The following DMXL2 variants were observed in gnomAD, a reference collection of about 807,000 sequenced individuals.
The protein encoded by DMXL2 is Dmx like 2.
In DMXL2, 103 loss-of-function variants were observed where a neutral mutation model predicts 331.1. The ratio of observed to expected loss-of-function variants is 0.31; its 90% CI spans 0.27 to 0.37. The LOEUF is 0.37. Among genes scored for constraint, DMXL2 ranks in the 10% least tolerant of loss-of-function variants. The pLI is 1.00. For missense variants in DMXL2, 3,171 were observed against 3,642.9 expected, an observed-to-expected ratio of 0.87 and a Z score of 3.33; for synonymous variants, 1,281 against 1,252.1, an observed-to-expected ratio of 1.02 and a Z score of -0.49.
chr15:51,603,227 G>A (rs2053352270), intron 1 of DMXL2, among the ~76,000 whole-genome samples: 1 of 152,124 alleles, frequency 6.6e-6, no homozygotes, highest in Non-Finnish European at 1.5e-5. Context: ...TAGGCAAAGA[G>A]AAAAGACACA....
Position 51,458,718 on chromosome 15 carries a change from A to C in DMXL2, c.8067T>G (p.Ser2689=), listed in dbSNP as rs775592572. The stretch of plus-strand genomic sequence containing the variant: ...TGATGAGAGCTTTTACCTTATTAAC[A>C]GAAAATGCCATGATCATATCAGATT... ...HKESDMIMAF[S]VNKANCNEIV... The change falls in exon 35 of 44, where the codon TCT becomes TCG. Residue 2689 remains serine (S), a synonymous_variant. Coordinates refer to ENST00000560891, the MANE Select transcript of DMXL2 (RefSeq NM_001378457.1). 3.1e-6 allele frequency: 5 copies of C among 1,614,040 alleles called. No individual in the cohort carries two copies. The East Asian group carries it at 1.1e-4, about 36-fold the overall frequency.
chr15:51,566,903 T>C (rs2050323140), intron 3 of DMXL2: 2 of 152,140 alleles, frequency 1.3e-5, no homozygotes, highest in African/African-American at 2.4e-5. Flanking sequence ...AAGACAAATA[T>C]AATATAGCAC....
intron 18 of DMXL2, among the ~76,000 whole-genome samples, chr15:51,496,129 G>A (rs1251386767): frequency 6.6e-6 from 1 of 152,112 alleles, no homozygotes; most frequent in Non-Finnish European, 1.5e-5. Flanking sequence ...ACAGGTGTGA[G>A]CCACCATGCT....
rs1596153868 is a variant in DMXL2, at chr15:51,533,418, A to G, written c.2436+2245T>C. ...CTTGAGGAACCACCAAAAACAAAAC[A>G]CTGAGTATAATGGAGAACAAATAGA... On this transcript the variant is annotated intron_variant, in intron 13 of 43. Transcript: ENST00000560891. Among the ~76,000 whole-genome samples the G allele has an allele frequency of 2.0e-5, 3 of 152,344 alleles. No individual in the cohort carries two copies. The East Asian group carries it at 5.8e-4, about 29-fold the overall frequency.
At chr15:51,486,645 A>G (rs938634969) in intron 22 of DMXL2, among the ~76,000 whole-genome samples, 7 of 152,170 alleles carry the variant, frequency 4.6e-5, no homozygotes, top group African/African-American at 1.4e-4. Flanking sequence ...TATATATGAC[A>G]CTAGAATTTA....
At chr15:51,576,441 C>T (rs778319295) in intron 1 of DMXL2, among the ~76,000 whole-genome samples, 5 of 152,190 alleles carry the variant, frequency 3.3e-5, no homozygotes, top group Non-Finnish European at 7.4e-5. Flanking sequence ...TTAGAACAGC[C>T]ACTGTTCCTG....
chr15:51,545,192 A>C (rs2048823954), intron 8 of DMXL2, among the ~76,000 whole-genome samples: 1 of 152,158 alleles, frequency 6.6e-6, no homozygotes, highest in Non-Finnish European at 1.5e-5. Flanking sequence ...ATAAGATTTT[A>C]ATCTTTATGA....
Position 51,507,146 on chromosome 15 carries a change from G to A in DMXL2, c.2752C>T (p.Gln918Ter). The A allele has an allele frequency of 6.2e-7, 1 of 1,604,108 alleles. No individual in the cohort carries two copies. Among genetic ancestry groups the A allele is most frequent in the Non-Finnish European group, 8.5e-7 (1 of 1,174,062 alleles). ...TATAATTACTTACCTAAACATGCTT[G>A]TACAGATTTAAGATGAAGGTGCCAC... ...HMWHLHLKSV[Q>*]ACLAKASEGA... The change falls in exon 16 of 44, where the codon CAA becomes TAA. Residue 918 changes from glutamine to a stop codon, truncating the protein, a stop_gained. Coordinates refer to ENST00000560891, the MANE Select transcript of DMXL2 (RefSeq NM_001378457.1). LOFTEE classifies it high-confidence loss of function.
intron 22 of DMXL2, among the ~76,000 whole-genome samples, chr15:51,486,812 G>T (rs188134091): frequency 3.6e-4 from 55 of 152,026 alleles, no homozygotes; most frequent in African/African-American, 1.2e-3. Context: ...CCAGTTCTGA[G>T]CATTTGAGGT....
At chr15:51,451,366 T>TGC (rs1333799651) in intron 42 of DMXL2, among the ~76,000 whole-genome samples, 1 of 152,268 alleles carries the variant, frequency 6.6e-6, no homozygotes, top group African/African-American at 2.4e-5. Context: ...ACTAATTTCT[T>TGC]AAATAGCCTT....
chr15:51,549,528 A>T (rs1289640021), intron 6 of DMXL2, among the ~76,000 whole-genome samples: 1 of 152,106 alleles, frequency 6.6e-6, no homozygotes, highest in Non-Finnish European at 1.5e-5. Flanking sequence ...TTCTTTAAGG[A>T]ATTTCCAGAG....
Position 51,545,693 on chromosome 15 carries a change from GTAA to G in DMXL2, c.817_819del (p.Leu273del), listed in dbSNP as rs1391702100. ...TGCTCACCCAAAAGACAGTCTTCTG[GTAA>G]TAAAGTTTCTGCCCAGAGCCGGCAC... On this transcript the variant is annotated inframe_deletion, in exon 8 of 44. Coordinates refer to ENST00000560891, the MANE Select transcript of DMXL2 (RefSeq NM_001378457.1). 2 of 1,613,534 alleles carry G rather than the reference GTAA, an allele frequency of 1.2e-6. No individual in the cohort carries two copies. Among genetic ancestry groups the G allele is most frequent in the African/African-American group, 2.7e-5 (2 of 74,854 alleles).
intron 6 of DMXL2, among the ~76,000 whole-genome samples, chr15:51,554,140 G>T (rs1198312862): frequency 1.3e-5 from 2 of 152,204 alleles, no homozygotes; most frequent in Admixed American, 1.3e-4. Flanking sequence ...GATTAACTGG[G>T]AATATCATAA....
chr15:51,618,310 A>G (rs1312939223), intron 1 of DMXL2, among the ~76,000 whole-genome samples: 1 of 117,030 alleles, frequency 8.5e-6, no homozygotes, highest in East Asian at 2.2e-4. Context: ...ATGTCTTGTA[A>G]TTCTTTTTTT....
chr15:51,572,791 TA>T (rs745955985), intron 2 of DMXL2, among the ~76,000 whole-genome samples: 3 of 152,152 alleles, frequency 2.0e-5, no homozygotes, highest in Non-Finnish European at 2.9e-5. Context: ...TATCTCAAAA[TA>T]ATAAGAGCTA....
chr15:51,613,157 A>T (rs991688462), intron 1 of DMXL2, among the ~76,000 whole-genome samples: 3 of 152,198 alleles, frequency 2.0e-5, no homozygotes, highest in African/African-American at 7.2e-5. Context: ...CAATCATCAC[A>T]GGGTCCTGAG....
At chr15:51,544,275 C>T (rs1036668626) in intron 8 of DMXL2, among the ~76,000 whole-genome samples, 1 of 152,032 alleles carries the variant, frequency 6.6e-6, no homozygotes, top group African/African-American at 2.4e-5. Flanking sequence ...TTTGCAATAG[C>T]GAGTGAGTTC....
At chr15:51,592,397 C>A (rs1008102725) in intron 1 of DMXL2, among the ~76,000 whole-genome samples, 1 of 152,132 alleles carries the variant, frequency 6.6e-6, no homozygotes, top group Non-Finnish European at 1.5e-5. Context: ...AACAAAGCCT[C>A]CAAGAAATAT....
chr15:51,576,202 A>AAAAAAAAAAAAAAAAAAT (rs760189648), intron 1 of DMXL2, 21 bp from the exon 2 acceptor site: 1 of 1,418,336 alleles, frequency 7.1e-7, no homozygotes, highest in Non-Finnish European at 9.4e-7. Context: ...AAAAAAAAAA[A>AAAAAAAAAAAAAAAAAAT]AGTTTTACAA....
Sources: gnomAD v4.1 joint callset for allele counts (sites outside exome capture counted in the v4.1 genomes callset) on GRCh38, gnomAD v4.1.1 for gene constraint, MANE v1.5 for transcripts, NCBI Gene and HGNC (gene_info 2026-07-23, HGNC 2026-07-21) for gene names.